Variants in AGBL4 observed in about 807,000 individuals in gnomAD.
AGBL4 encodes AGBL carboxypeptidase 4.
AGBL4 carries 58 observed loss-of-function variants against 66.4 expected under a neutral mutation model. The observed-to-expected ratio is 0.87, with a 90% CI of 0.71 to 1.09. The LOEUF is 1.09. AGBL4 is among the 50% of genes least tolerant of loss of function. The pLI is 0.00. For synonymous variants in AGBL4, 234 were observed against 222.9 expected (o/e 1.05, Z -0.44); for missense variants, 579 against 631.0 (o/e 0.92, Z 0.88).
At chr1:49,888,272 A>G (rs1026229631) in intron 1 of AGBL4, among the ~76,000 whole-genome samples, 2 of 152,194 alleles carry the variant, frequency 1.3e-5, no homozygotes, top group African/African-American at 4.8e-5. Flanking sequence ...AATTAACACA[A>G]CTTACCATAA....
intron 4 of AGBL4, among the ~76,000 whole-genome samples, chr1:49,179,411 T>G (rs968764983): frequency 6.6e-6 from 1 of 152,126 alleles, no homozygotes; most frequent in African/African-American, 2.4e-5. Flanking sequence ...TTTGTTTGTC[T>G]CCCCTACTGG....
At chr1:48,559,967 C>T (rs1387184368) in intron 11 of AGBL4, among the ~76,000 whole-genome samples, 1 of 152,218 alleles carries the variant, frequency 6.6e-6, no homozygotes, top group East Asian at 1.9e-4. Context: ...TGCTTATGTT[C>T]TCCTTTCACC....
intron 1 of AGBL4, among the ~76,000 whole-genome samples, chr1:49,959,901 C>T (rs958715528): frequency 7.2e-5 from 11 of 151,806 alleles, no homozygotes; most frequent in East Asian, 1.9e-4. Flanking sequence ...GGAGCTTAAG[C>T]GAACTAACAC....
chr1:48,939,341 G>A (rs1655752003), intron 5 of AGBL4, among the ~76,000 whole-genome samples: 1 of 152,196 alleles, frequency 6.6e-6, no homozygotes, highest in African/African-American at 2.4e-5. Flanking sequence ...CCTGTACTGT[G>A]GCCTCTGCTG....
At chr1:49,730,393 G>A (rs1332902882) in intron 2 of AGBL4, among the ~76,000 whole-genome samples, 3 of 152,178 alleles carry the variant, frequency 2.0e-5, no homozygotes, top group African/African-American at 7.2e-5. Context: ...GACTATGGGA[G>A]TGAAGAGCTG....
chr1:48,634,463 A>G, intron 9 of AGBL4, 30 bp downstream of exon 9: 1 of 1,521,256 alleles, frequency 6.6e-7, no homozygotes, highest in South Asian at 1.2e-5. Context: ...GCCATAGATC[A>G]GCAGCTGTGG....
Position 49,651,532 on chromosome 1 carries a change from T to C in AGBL4, c.282+45781A>G, listed in dbSNP as rs538089944. ...TGCAGAAGATTGTGTGTTTGGCTCA[T>C]ATGCCAAACACATTACTACAACAAG... On this transcript the variant is annotated intron_variant, in intron 3 of 13. Coordinates refer to ENST00000371839, the MANE Select transcript of AGBL4 (RefSeq NM_032785.4). Among the ~76,000 whole-genome samples the C allele has an allele frequency of 2.6e-3, 397 of 152,210 alleles. 1 individual carries two copies. Among genetic ancestry groups the C allele is most frequent in the African/African-American group, 9.1e-3 (378 of 41,532 alleles).
chr1:48,540,462 G>A (rs960413620), intron 11 of AGBL4, among the ~76,000 whole-genome samples: 2 of 152,054 alleles, frequency 1.3e-5, no homozygotes, highest in Non-Finnish European at 2.9e-5. Context: ...TTCCTCTGCT[G>A]AAGTACCTCC....
chr1:49,919,858 C>A (rs951218284), intron 1 of AGBL4, among the ~76,000 whole-genome samples: 16 of 152,138 alleles, frequency 1.1e-4, no homozygotes, highest in Admixed American at 7.9e-4. Flanking sequence ...GCTACAGTAA[C>A]CAAAACAGCA....
chr1:49,029,949 T>C (rs1336014849), intron 5 of AGBL4, among the ~76,000 whole-genome samples: 1 of 152,134 alleles, frequency 6.6e-6, no homozygotes, highest in Non-Finnish European at 1.5e-5. Context: ...TTTCAATAAA[T>C]AGTTATGGGA....
chr1:48,639,948 G>A lies in AGBL4; in HGVS notation c.840-5344C>T, dbSNP rs80029391. Among the ~76,000 whole-genome samples, 1,198 of 152,286 alleles carry A rather than the reference G, an allele frequency of 7.9e-3. 14 individuals carry two copies. The highest frequency in any genetic ancestry group is 0.026 in the African/African-American group (1,101 of 41,560). On this transcript the variant is annotated intron_variant, in intron 8 of 13. Coordinates refer to ENST00000371839, the MANE Select transcript of AGBL4 (RefSeq NM_032785.4). ...AGCAGCTGCCTAAAGACAGAGGAAC[G>A]CATAAGATGGCCTCCAGATGCCAGG...
At chr1:49,007,585 C>G (rs1386230857) in intron 5 of AGBL4, among the ~76,000 whole-genome samples, 1 of 151,468 alleles carries the variant, frequency 6.6e-6, no homozygotes, top group Non-Finnish European at 1.5e-5. Flanking sequence ...TCAGATTCAC[C>G]AAAGTTGCAA....
Position 48,558,310 on chromosome 1 carries a change from A to G in AGBL4, c.1268-18572T>C, listed in dbSNP as rs372625783. On this transcript the variant is annotated intron_variant, in intron 11 of 13. Transcript: ENST00000371839. ...TGGTTAAAGAATCATAAAATATCAGAGCAAGAGGGCACCAAAAGTGGACAT... is the reference window on the plus strand; with the variant it reads ...TGGTTAAAGAATCATAAAATATCAGGGCAAGAGGGCACCAAAAGTGGACAT... Among the ~76,000 whole-genome samples the G allele has an allele frequency of 6.6e-5, 10 of 152,310 alleles. 1 individual carries two copies. Among genetic ancestry groups the G allele is most frequent in the East Asian group, 5.8e-4 (3 of 5,188 alleles).
At chr1:49,948,295 A>AAAATATATAT (rs1447006941) in intron 1 of AGBL4, among the ~76,000 whole-genome samples, 279 of 107,710 alleles carry the variant, frequency 2.6e-3, no homozygotes, top group Non-Finnish European at 4.1e-3. Context: ...TAAATATATA[A>AAAATATATAT]AAATATATAT....
intron 5 of AGBL4, among the ~76,000 whole-genome samples, chr1:48,957,562 C>T (rs1055938057): frequency 6.6e-6 from 1 of 152,196 alleles, no homozygotes; most frequent in Non-Finnish European, 1.5e-5. Context: ...TTGTACTCCT[C>T]TCACCAACAA....
At position 49,263,310 on chromosome 1, in the gene AGBL4, A is replaced by C. The variant is rs185152872; in HGVS notation, c.283-17446T>G. 5.5e-3 allele frequency among the ~76,000 whole-genome samples: 837 copies of C among 152,262 alleles called. 5 individuals are homozygous for C. The highest frequency in any genetic ancestry group is 7.0e-3 in the Non-Finnish European group (477 of 68,018). On this transcript the variant is annotated intron_variant, in intron 3 of 13. Transcript: ENST00000371839. ...CCCTAAAACTTAAAGTATAATAATAAAATTAAATAAATAGACAATTAAATG... is the reference window on the plus strand; with the variant it reads ...CCCTAAAACTTAAAGTATAATAATACAATTAAATAAATAGACAATTAAATG...
chr1:48,588,846 A>T (rs12746587), intron 10 of AGBL4, among the ~76,000 whole-genome samples: 2 of 139,412 alleles, frequency 1.4e-5, no homozygotes, highest in Non-Finnish European at 1.7e-5. Context: ...AGAAGAGAAG[A>T]GAAGAGAAGA....
chr1:49,768,819 G>A (rs1482861707), intron 2 of AGBL4, among the ~76,000 whole-genome samples: 1 of 151,680 alleles, frequency 6.6e-6, no homozygotes, highest in Non-Finnish European at 1.5e-5. Context: ...AATATCAGTA[G>A]TTTTAGGATA....
At chr1:49,084,584 T>C (rs532415959) in intron 4 of AGBL4, among the ~76,000 whole-genome samples, 1 of 152,224 alleles carries the variant, frequency 6.6e-6, no homozygotes, top group South Asian at 2.1e-4. Flanking sequence ...TTCAATTAAC[T>C]CCACCTGGCC....
Sources: gnomAD v4.1 joint callset for allele counts (sites outside exome capture counted in the v4.1 genomes callset) on GRCh38, gnomAD v4.1.1 for gene constraint, MANE v1.5 for transcripts, NCBI Gene and HGNC (gene_info 2026-07-23, HGNC 2026-07-21) for gene names.